INPP5A: variants seen among roughly 807,000 people sequenced by gnomAD.
The protein encoded by INPP5A is 43 kDa inositol polyphosphate 5-phophatase.
In INPP5A, 14 loss-of-function variants were observed where a neutral mutation model predicts 65.2. That is an observed-to-expected ratio of 0.21 (90% CI 0.14 to 0.34). The LOEUF is 0.34. INPP5A is among the 10% of genes least tolerant of loss of function. The probability of loss-of-function intolerance (pLI) is 1.00; values close to 1 mark genes in which losing one functional copy is unlikely to be tolerated. For synonymous variants in INPP5A, 207 were observed against 208.3 expected (o/e 0.99, Z 0.05); for missense variants, 431 against 545.6 (o/e 0.79, Z 2.09).
At chr10:132,696,704 A>C (rs1845349609) in intron 5 of INPP5A, among the ~76,000 whole-genome samples, 1 of 152,222 alleles carries the variant, frequency 6.6e-6, no homozygotes, top group Admixed American at 6.5e-5. Context: ...TCCATGCTCC[A>C]TAAGTCGCTG....
intron 2 of INPP5A, among the ~76,000 whole-genome samples, chr10:132,642,553 G>A (rs923480913): frequency 3.9e-5 from 6 of 152,202 alleles, no homozygotes; most frequent in East Asian, 1.9e-4. Context: ...TTGTGATGGC[G>A]TTTGCCTACA....
intron 4 of INPP5A, among the ~76,000 whole-genome samples, chr10:132,655,995 C>T (rs924431819): frequency 4.6e-5 from 7 of 152,260 alleles, no homozygotes; most frequent in Non-Finnish European, 8.8e-5. Flanking sequence ...GAGGGCCTGG[C>T]GTGGGCACCT....
At chr10:132,716,246 TG>T in intron 8 of INPP5A, among the ~76,000 whole-genome samples, 1 of 152,362 alleles carries the variant, frequency 6.6e-6, no homozygotes, top group South Asian at 2.1e-4. Context: ...AACCCCATCC[TG>T]GCCCCCAGCA....
intron 1 of INPP5A, among the ~76,000 whole-genome samples, chr10:132,589,226 C>T (rs776367351): frequency 8.5e-5 from 13 of 152,236 alleles, no homozygotes; most frequent in Non-Finnish European, 1.8e-4. Context: ...ACTCTGCCTG[C>T]CTGCTGAGGG....
chr10:132,749,924 C>T (rs1846443861), intron 11 of INPP5A, 79 bp downstream of exon 11: 1 of 1,220,348 alleles, frequency 8.2e-7, no homozygotes, highest in African/African-American at 1.5e-5. Flanking sequence ...CCTCTGCTTA[C>T]CTGGGACCAC....
chr10:132,654,395 T>C (rs7086143), intron 4 of INPP5A, among the ~76,000 whole-genome samples: 137,323 of 152,324 alleles, frequency 0.9, 61,972 homozygotes, highest in East Asian at 1. Flanking sequence ...GCCAAGCTGG[T>C]GCCAGGCGGG....
At chr10:132,774,597 C>T (rs545200092) in intron 12 of INPP5A, among the ~76,000 whole-genome samples, 4 of 152,264 alleles carry the variant, frequency 2.6e-5, no homozygotes, top group South Asian at 4.1e-4. Context: ...TCTCCTGTGC[C>T]GTCAGCCCTG....
At chr10:132,669,438 C>T (rs1440240499) in intron 4 of INPP5A, among the ~76,000 whole-genome samples, 4 of 152,170 alleles carry the variant, frequency 2.6e-5, no homozygotes, top group Non-Finnish European at 5.9e-5. Flanking sequence ...TTCTATGTAG[C>T]ACGTCCTCAC....
At chr10:132,687,026 C>T (rs1370343656) in intron 4 of INPP5A, among the ~76,000 whole-genome samples, 1 of 152,232 alleles carries the variant, frequency 6.6e-6, no homozygotes, top group Non-Finnish European at 1.5e-5. Flanking sequence ...CTCACTGCAA[C>T]CTCTGCCTCC....
At chr10:132,682,342 C>T (rs559115294) in intron 4 of INPP5A, among the ~76,000 whole-genome samples, 5 of 152,304 alleles carry the variant, frequency 3.3e-5, no homozygotes, top group African/African-American at 4.8e-5. Context: ...TCGTTAGGCG[C>T]GGACTGCGTG....
intron 2 of INPP5A, among the ~76,000 whole-genome samples, chr10:132,615,185 C>T (rs935242112): frequency 1.3e-5 from 2 of 152,224 alleles, no homozygotes; most frequent in East Asian, 1.9e-4. Context: ...ATCCACGTCT[C>T]GAGTTGCTCT....
chr10:132,771,700 G>A (rs373450449), intron 12 of INPP5A, among the ~76,000 whole-genome samples: 3,415 of 97,850 alleles, frequency 0.035, 28 homozygotes, highest in Middle Eastern at 0.043. Flanking sequence ...CAGAGGCCAC[G>A]GCAGCCACCC....
chr10:132,558,488 C>T (rs994829185), intron 1 of INPP5A, among the ~76,000 whole-genome samples: 2 of 152,216 alleles, frequency 1.3e-5, no homozygotes, highest in Non-Finnish European at 2.9e-5. Flanking sequence ...ACCGGAGTCT[C>T]CATCAGGCTC....
At chr10:132,625,349 G>C (rs1210531811) in intron 2 of INPP5A, among the ~76,000 whole-genome samples, 1 of 151,860 alleles carries the variant, frequency 6.6e-6, no homozygotes, top group African/African-American at 2.4e-5. Context: ...CTGAATTACT[G>C]TATGATTTCC....
In INPP5A at chr10:132,743,126, AG is replaced by A. The variant is rs1042909440; in HGVS notation, c.733-6389del. ...GAAAAATTGGTAAAATGTGTCTTCA[AG>A]GCCACCCACCAGTGCTGCACTCAGC... On this transcript the variant is annotated intron_variant, in intron 9 of 15. Transcript: ENST00000368594. Among the ~76,000 whole-genome samples, 22 of 152,340 alleles carry A rather than the reference AG, an allele frequency of 1.4e-4. 1 individual carries two copies. The highest frequency in any genetic ancestry group is 1.0e-3 in the Admixed American group (16 of 15,302).
At chr10:132,658,129 G>C (rs1198786233) in intron 4 of INPP5A, among the ~76,000 whole-genome samples, 1 of 152,216 alleles carries the variant, frequency 6.6e-6, no homozygotes, top group Non-Finnish European at 1.5e-5. Context: ...TAAAAATATT[G>C]ATCTCTGGAA....
chr10:132,708,516 C>T (rs924627214), intron 7 of INPP5A, 151 bp downstream of exon 7: 2 of 806,316 alleles, frequency 2.5e-6, no homozygotes, highest in African/African-American at 3.4e-5. Flanking sequence ...CACTCTGACC[C>T]TTTTGGTTCA....
chr10:132,775,158 AG>A (rs1847037079), intron 12 of INPP5A, among the ~76,000 whole-genome samples: 1 of 15,892 alleles, frequency 6.3e-5, no homozygotes, highest in East Asian at 1.6e-3. Flanking sequence ...CAGGGAGGAG[AG>A]AGGGGCAGAG....
intron 5 of INPP5A, among the ~76,000 whole-genome samples, chr10:132,693,862 C>T (rs1845305966): frequency 6.6e-6 from 1 of 152,138 alleles, no homozygotes; most frequent in African/African-American, 2.4e-5. Context: ...TGCCTAACAA[C>T]AGAGTGTCAA....
Sources: allele counts gnomAD v4.1 joint callset (sites outside exome capture counted in the v4.1 genomes callset), GRCh38; gene constraint gnomAD v4.1.1; transcripts MANE v1.5; gene names NCBI Gene and HGNC (gene_info 2026-07-23, HGNC 2026-07-21).